PLPPR2: variants seen among roughly 807,000 people sequenced by gnomAD.
The protein encoded by PLPPR2 is phospholipid phosphatase related 2, also known as phospholipid phosphatase-related protein type 2.
A neutral mutation model predicts 40.3 loss-of-function variants in PLPPR2; 11 were observed. That is an observed-to-expected ratio of 0.27 (90% CI 0.17 to 0.45). PLPPR2 has a LOEUF of 0.45. Among genes scored for constraint, PLPPR2 ranks in the 20% least tolerant of loss-of-function variants. The pLI is 1.00. For synonymous variants in PLPPR2, 260 were observed against 290.8 expected (o/e 0.89, Z 1.08); for missense variants, 497 against 640.7 (o/e 0.78, Z 2.42).
In PLPPR2 at chr19:11,364,072, T is replaced by TG; in HGVS notation, c.964-85dup. On this transcript the variant is annotated intron_variant, in intron 8 of 9. Coordinates refer to ENST00000688289, the MANE Select transcript of PLPPR2 (RefSeq NM_001393892.1). The surrounding 1 kb of genome is among the most constrained non-coding windows in gnomAD (Gnocchi z 5.8). ...ATGAGAACTGTGGTTGTCTTTTCCA[T>TG]GGGGCTCTTCACCTGATGAGCTCCT... 6.7e-7 allele frequency: 1 copy of TG among 1,488,008 alleles called. No homozygotes were observed. The highest frequency in any genetic ancestry group is 9.1e-7 in the Non-Finnish European group (1 of 1,099,906). The allele number at this position is 1,488,008 out of a possible 1,614,324, so 92.2% of individuals were successfully genotyped here.
In PLPPR2 at chr19:11,362,314, C is replaced by T; in HGVS notation, c.664-199C>T. 3 of 585,870 alleles carry T rather than the reference C, an allele frequency of 5.1e-6. No individual in the cohort carries two copies. The highest frequency in any genetic ancestry group is 9.0e-6 in the Non-Finnish European group (3 of 332,516). The allele number at this position is 585,870 out of a possible 1,614,324, so 36.3% of individuals were successfully genotyped here. ...GCCCACGAGACTCCAAGACCTCAATCCCTGACCCCCCCCCCTTTGCCTTTT... is the reference window on the plus strand; with the variant it reads ...GCCCACGAGACTCCAAGACCTCAATTCCTGACCCCCCCCCCTTTGCCTTTT... On this transcript the variant is annotated intron_variant, in intron 6 of 9. Coordinates refer to ENST00000688289, the MANE Select transcript of PLPPR2 (RefSeq NM_001393892.1). The surrounding 1 kb of genome is among the most constrained non-coding windows in gnomAD (Gnocchi z 5.3).
rs1968149363 is a variant in PLPPR2 at position 11,364,753 on chromosome 19, C to T, written c.*63C>T. 2.0e-6 allele frequency: 3 copies of T among 1,515,108 alleles called. No individual in the cohort carries two copies. Among genetic ancestry groups the T allele is most frequent in the Admixed American group, 4.0e-5 (2 of 50,216 alleles). The allele number at this position is 1,515,108 out of a possible 1,614,324, so 93.9% of individuals were successfully genotyped here. ...TTCTTCCCTGCCACGCGTGTGTGTGCGTGTGCCACGTGAGTGCCAAAGTCC... is the reference window on the plus strand; with the variant it reads ...TTCTTCCCTGCCACGCGTGTGTGTGTGTGTGCCACGTGAGTGCCAAAGTCC... On this transcript the variant is annotated 3_prime_UTR_variant, in exon 10 of 10. Transcript: ENST00000688289. This position sits in a 1 kb window ranked among gnomAD's most constrained non-coding sequence, Gnocchi z 5.8.
rs993942126 is a variant in PLPPR2 at position 11,364,615 on chromosome 19, T to C, written c.1284T>C (p.Ser428=). 6.5e-6 allele frequency: 10 copies of C among 1,536,956 alleles called. No homozygotes were observed. The highest frequency in any genetic ancestry group is 8.7e-6 in the Non-Finnish European group (10 of 1,146,858). ...TGCTGCGGGACCTGTACACCCTGAGTGGACTCTATCCCTCCCCCTTCCACC... is the reference window on the plus strand; with the variant it reads ...TGCTGCGGGACCTGTACACCCTGAGCGGACTCTATCCCTCCCCCTTCCACC... The part of the protein sequence containing the change: ...TPLLRDLYTL[S]GLYPSPFHRD... The change falls in exon 10 of 10, where the codon AGT becomes AGC. Residue 428 remains serine (S), a synonymous_variant. Coordinates refer to ENST00000688289, the MANE Select transcript of PLPPR2 (RefSeq NM_001393892.1). This position sits in a 1 kb window ranked among gnomAD's most constrained non-coding sequence, Gnocchi z 5.8.
rs1479623930 is a variant in PLPPR2 at position 11,359,346 on chromosome 19, T to TGA, written c.67-186_67-185insGA. ...TCTGTTTCTCCTAAGCCCTGACCCT[T>TGA]CTCTCACCTCCTTTCCCCATTTCTC... On this transcript the variant is annotated intron_variant, in intron 3 of 9. Coordinates refer to ENST00000688289, the MANE Select transcript of PLPPR2 (RefSeq NM_001393892.1). The surrounding 1 kb of genome is among the most constrained non-coding windows in gnomAD (Gnocchi z 5.6). The TGA allele has an allele frequency of 3.9e-6, 2 of 510,380 alleles. No homozygotes were observed. Among genetic ancestry groups the TGA allele is most frequent in the Non-Finnish European group, 6.7e-6 (2 of 300,470 alleles). 31.6% of individuals were successfully genotyped at this position (510,380 alleles called of 1,614,324 possible).
In PLPPR2 at chr19:11,362,909, G is replaced by A. The variant is rs980834911; in HGVS notation, c.840+220G>A. ...ATTTTAAGAGGGTGCCCAACACTCA[G>A]TAATCAAGATTAATATTTTAACAAA... On this transcript the variant is annotated intron_variant, in intron 7 of 9. Coordinates refer to ENST00000688289, the MANE Select transcript of PLPPR2 (RefSeq NM_001393892.1). This position sits in a 1 kb window ranked among gnomAD's most constrained non-coding sequence, Gnocchi z 5.3. Among the ~76,000 whole-genome samples the A allele has an allele frequency of 1.4e-4, 22 of 152,214 alleles. No homozygotes were observed. Among genetic ancestry groups the A allele is most frequent in the African/African-American group, 5.3e-4 (22 of 41,456 alleles).
At position 11,361,572 on chromosome 19, in the gene PLPPR2, C is replaced by T; in HGVS notation, c.663+84C>T. Reference sequence around the variant, plus strand: ...GCTAGGAAGCCGCCAGGGTTGGAGCCTCTGCTCTTCCACGCCCCGGGTGCT... The same window carrying T: ...GCTAGGAAGCCGCCAGGGTTGGAGCTTCTGCTCTTCCACGCCCCGGGTGCT... On this transcript the variant is annotated intron_variant, in intron 6 of 9. Coordinates refer to ENST00000688289, the MANE Select transcript of PLPPR2 (RefSeq NM_001393892.1). This position sits in a 1 kb window ranked among gnomAD's most constrained non-coding sequence, Gnocchi z 6.3. The T allele has an allele frequency of 6.6e-7, 1 of 1,511,632 alleles. No individual in the cohort carries two copies. Among genetic ancestry groups the T allele is most frequent in the East Asian group, 2.3e-5 (1 of 44,020 alleles). 93.6% of individuals were successfully genotyped at this position (1,511,632 alleles called of 1,614,324 possible).
intron 2 of PLPPR2, 139 bp from the exon 3 acceptor site, chr19:11,357,521 G>A (rs1364210224): frequency 1.8e-6 from 1 of 549,440 alleles, no homozygotes; most frequent in Non-Finnish European, 3.2e-6. Flanking sequence ...AGGTTCAAGG[G>A]ACAGAGTCAG....
rs771411540 is a variant in PLPPR2, at chr19:11,364,111, G to A, written c.964-50G>A. The A allele has an allele frequency of 1.3e-5, 21 of 1,566,520 alleles. No individual in the cohort carries two copies. The highest frequency in any genetic ancestry group is 1.7e-5 in the Non-Finnish European group (20 of 1,154,322). ...TGATGAGCTCCTTGTGGCTGTGGCCGGTAGGGCCCAGGGGGCCACTAGCCC... is the reference window on the plus strand; with the variant it reads ...TGATGAGCTCCTTGTGGCTGTGGCCAGTAGGGCCCAGGGGGCCACTAGCCC... On this transcript the variant is annotated intron_variant, in intron 8 of 9. Coordinates refer to ENST00000688289, the MANE Select transcript of PLPPR2 (RefSeq NM_001393892.1). The surrounding 1 kb of genome is among the most constrained non-coding windows in gnomAD (Gnocchi z 5.8).
rs542191089 is a variant in PLPPR2 at position 11,363,709 on chromosome 19, C to A, written c.841-4C>A. 10 of 1,611,804 alleles carry A rather than the reference C, an allele frequency of 6.2e-6. No homozygotes were observed. In the Admixed American group the frequency reaches 1.2e-4, roughly 19 times the overall value. On this transcript the variant is annotated splice_region_variant and splice_polypyrimidine_tract_variant and intron_variant, in intron 7 of 9. Coordinates refer to ENST00000688289, the MANE Select transcript of PLPPR2 (RefSeq NM_001393892.1). The surrounding 1 kb of genome is among the most constrained non-coding windows in gnomAD (Gnocchi z 4.8). ...CTCAACACTCTCCTCTCCCTCTATT[C>A]CAGGTCACCTGCGTTGTGCATAACT...
rs8108707 is a variant in PLPPR2, at chr19:11,363,659, G to A, written c.841-54G>A. The A allele has an allele frequency of 0.09, 139,543 of 1,542,914 alleles. 8,209 individuals are homozygous for A. The highest frequency in any genetic ancestry group is 0.25 in the African/African-American group (18,218 of 72,360). On this transcript the variant is annotated intron_variant, in intron 7 of 9. Transcript: ENST00000688289. This position sits in a 1 kb window ranked among gnomAD's most constrained non-coding sequence, Gnocchi z 4.8. ...TGAAAAATGGGGATGGTATTTACAT[G>A]GCTCCTATGTGACTTGCCCCAGGCC... is the stretch of plus-strand genomic sequence containing the variant.
chr19:11,361,620 C>G lies in PLPPR2; in HGVS notation c.663+132C>G. On this transcript the variant is annotated intron_variant, in intron 6 of 9. Coordinates refer to ENST00000688289, the MANE Select transcript of PLPPR2 (RefSeq NM_001393892.1). This position sits in a 1 kb window ranked among gnomAD's most constrained non-coding sequence, Gnocchi z 6.3. ...GCTGTTGGAAGCTCTCGCTCCACGC[C>G]CCGACCTGTTGGAAGCTCTCCCTCC... 7.8e-7 allele frequency: 1 copy of G among 1,278,358 alleles called. No homozygotes were observed. The highest frequency in any genetic ancestry group is 1.5e-5 in the South Asian group (1 of 66,604). 79.2% of individuals were successfully genotyped at this position (1,278,358 alleles called of 1,614,324 possible).
chr19:11,365,387 GGGGTTCA>G lies in PLPPR2; in HGVS notation c.*702_*708del, dbSNP rs1055249302. Reference sequence around the variant, plus strand: ...GGGCTTGCCCCACTTCAGAGGTTTTGGGGTTCAGGGTGCTGTGTCTCCCCTTGCCTGT... The same window carrying G: ...GGGCTTGCCCCACTTCAGAGGTTTTGGGGTGCTGTGTCTCCCCTTGCCTGT... On this transcript the variant is annotated 3_prime_UTR_variant, in exon 10 of 10. Transcript: ENST00000688289. 1.3e-5 allele frequency: 2 copies of G among 152,930 alleles called. No homozygotes were observed. The highest frequency in any genetic ancestry group is 4.8e-5 in the African/African-American group (2 of 41,440). 9.5% of individuals were successfully genotyped at this position (152,930 alleles called of 1,614,324 possible).
Position 11,364,211 on chromosome 19 carries a change from C to T in PLPPR2, c.1014C>T (p.Ser338=). ...PHSTPARLTP[S]KSQNCARRGH... Reference sequence around the variant, plus strand: ...CGACACCGGCACGGCTCACCCCATCCAGTGAGTGTTGGGGGAGTGGGGGGC... The same window carrying T: ...CGACACCGGCACGGCTCACCCCATCTAGTGAGTGTTGGGGGAGTGGGGGGC... The change falls in exon 9 of 10, where the codon TCC becomes TCT. Residue 338 remains serine (S), a splice_region_variant and synonymous_variant. Coordinates refer to ENST00000688289, the MANE Select transcript of PLPPR2 (RefSeq NM_001393892.1). The surrounding 1 kb of genome is among the most constrained non-coding windows in gnomAD (Gnocchi z 5.8). 1.2e-6 allele frequency: 2 copies of T among 1,611,694 alleles called. No homozygotes were observed. The highest frequency in any genetic ancestry group is 1.7e-6 in the Non-Finnish European group (2 of 1,178,584).
At position 11,365,562 on chromosome 19, in the gene PLPPR2, T is replaced by G. The variant is rs1313216116; in HGVS notation, c.*872T>G. 1.3e-5 allele frequency: 2 copies of G among 152,554 alleles called. No individual in the cohort carries two copies. Among genetic ancestry groups the G allele is most frequent in the Non-Finnish European group, 2.9e-5 (2 of 68,024 alleles). The allele number at this position is 152,554 out of a possible 1,614,324, so 9.5% of individuals were successfully genotyped here. On this transcript the variant is annotated 3_prime_UTR_variant, in exon 10 of 10. Transcript: ENST00000688289. ...GATGTGCCATCATGGGGGGCATGGGTGGAGCAGAGGGGCTCCCTCACCCCG... is the reference window on the plus strand; with the variant it reads ...GATGTGCCATCATGGGGGGCATGGGGGGAGCAGAGGGGCTCCCTCACCCCG...
chr19:11,357,620 C>A, intron 2 of PLPPR2, 40 bp from the exon 3 acceptor site: 1 of 1,502,656 alleles, frequency 6.7e-7, no homozygotes, highest in Non-Finnish European at 9.1e-7. Context: ...TTCCCCTAGG[C>A]ACACCCCCTG....
At chr19:11,355,882 G>GGT (rs138201602) in intron 1 of PLPPR2, among the ~76,000 whole-genome samples, 74 of 150,832 alleles carry the variant, frequency 4.9e-4, no homozygotes, top group Middle Eastern at 3.5e-3. Context: ...GAGGTCCGCG[G>GGT]GTGTGTGTGT....
chr19:11,360,198 A>C (rs886324084), intron 5 of PLPPR2, among the ~76,000 whole-genome samples: 1 of 151,636 alleles, frequency 6.6e-6, no homozygotes, highest in African/African-American at 2.4e-5. Context: ...GGCGTGTGGC[A>C]GGTGCCTGTA....
In PLPPR2 at chr19:11,362,040, C is replaced by CT. The variant is rs979115435; in HGVS notation, c.664-467dup. On this transcript the variant is annotated intron_variant, in intron 6 of 9. Transcript: ENST00000688289. This position sits in a 1 kb window ranked among gnomAD's most constrained non-coding sequence, Gnocchi z 5.3. ...GGTCACATCCCCTGTTGCTTCAACTCTTTTTTCTGGCATCCGGGTTTATGC... is the reference window on the plus strand; with the variant it reads ...GGTCACATCCCCTGTTGCTTCAACTCTTTTTTTCTGGCATCCGGGTTTATGC... Among the ~76,000 whole-genome samples the CT allele has an allele frequency of 2.6e-5, 4 of 152,098 alleles. No individual in the cohort carries two copies. Among genetic ancestry groups the CT allele is most frequent in the Non-Finnish European group, 4.4e-5 (3 of 67,994 alleles).
At position 11,364,275 on chromosome 19, in the gene PLPPR2, G is replaced by A. The variant is rs980115186; in HGVS notation, c.1015+63G>A. The A allele has an allele frequency of 1.1e-5, 18 of 1,575,618 alleles. No homozygotes were observed. The highest frequency in any genetic ancestry group is 1.8e-5 in the Admixed American group (1 of 54,954). ...TTCCAGGTGGGCAGCCACTGCCCCA[G>A]AGGTCTCACCTAGGCCTTTATGCTG... is the stretch of plus-strand genomic sequence containing the variant. On this transcript the variant is annotated intron_variant, in intron 9 of 9. Transcript: ENST00000688289. The surrounding 1 kb of genome is among the most constrained non-coding windows in gnomAD (Gnocchi z 5.8).
Sources: gnomAD v4.1 joint callset for allele counts (sites outside exome capture counted in the v4.1 genomes callset) on GRCh38, gnomAD v4.1.1 for gene constraint, Gnocchi (gnomAD v3.1) non-coding constraint, MANE v1.5 for transcripts, NCBI Gene and HGNC (gene_info 2026-07-23, HGNC 2026-07-21) for gene names.